The following TMEFF1 variants were observed in gnomAD, a reference collection of about 807,000 sequenced individuals.
TMEFF1 encodes tomoregulin-1.
TMEFF1 carries 20 observed loss-of-function variants against 47.5 expected under a neutral mutation model. That is an observed-to-expected ratio of 0.42 (90% CI 0.30 to 0.61). The LOEUF is 0.61. Ranked by LOEUF, TMEFF1 falls within the 20% of genes least tolerant of loss-of-function variation. The pLI, the probability that TMEFF1 is intolerant of heterozygous loss-of-function variation, is 0.19. For synonymous variants in TMEFF1, 162 were observed against 166.3 expected (o/e 0.97, Z 0.20); for missense variants, 411 against 471.1 (o/e 0.87, Z 1.18).
intron 3 of TMEFF1, among the ~76,000 whole-genome samples, chr9:100,510,677 G>A (rs944654326): frequency 1.3e-5 from 2 of 151,966 alleles, no homozygotes; most frequent in Admixed American, 6.6e-5. Flanking sequence ...GTTTTGCCAT[G>A]TTGCCCAGGC....
intron 4 of TMEFF1, 93 bp downstream of exon 4, chr9:100,513,426 T>A: frequency 6.9e-6 from 9 of 1,306,770 alleles, no homozygotes; most frequent in Non-Finnish European, 8.3e-6. Context: ...AGCTTTGAGA[T>A]ATAATTCACA....
chr9:100,508,958 T>G (rs1837912495), intron 2 of TMEFF1, 47 bp from the exon 3 acceptor site: 1 of 1,504,356 alleles, frequency 6.6e-7, no homozygotes, highest in Non-Finnish European at 8.9e-7. Flanking sequence ...AATAAACTAT[T>G]AATATTCATG....
intron 3 of TMEFF1, among the ~76,000 whole-genome samples, chr9:100,511,722 C>A (rs1389538177): frequency 6.6e-6 from 1 of 152,056 alleles, no homozygotes; most frequent in Non-Finnish European, 1.5e-5. Flanking sequence ...TATACATATA[C>A]CATATTGTAT....
At chr9:100,516,405 C>A (rs1838074553) in intron 4 of TMEFF1, among the ~76,000 whole-genome samples, 1 of 152,116 alleles carries the variant, frequency 6.6e-6, no homozygotes, top group Non-Finnish European at 1.5e-5. Flanking sequence ...CTTAAAAAAG[C>A]AATTCATTAT....
rs1335921525 is a variant in TMEFF1 at position 100,550,076 on chromosome 9, A to G, written c.710-19A>G. On this transcript the variant is annotated intron_variant, in intron 6 of 9. Coordinates refer to ENST00000374879, the MANE Select transcript of TMEFF1 (RefSeq NM_003692.5). Reference sequence around the variant, plus strand: ...AACCATTGTATATATTTTAATTTGAAAACCGTCTTCTCTTACAGATACAGA... The same window carrying G: ...AACCATTGTATATATTTTAATTTGAGAACCGTCTTCTCTTACAGATACAGA... 2 of 1,600,304 alleles carry G rather than the reference A, an allele frequency of 1.2e-6. No individual in the cohort carries two copies. The highest frequency in any genetic ancestry group is 2.2e-5 in the East Asian group (1 of 44,494).
At chr9:100,508,011 T>A (rs1439221780) in intron 2 of TMEFF1, among the ~76,000 whole-genome samples, 4 of 152,196 alleles carry the variant, frequency 2.6e-5, no homozygotes, top group Non-Finnish European at 5.9e-5. Flanking sequence ...GATGTCCACC[T>A]AATTGAATTT....
chr9:100,494,206 C>CAAA (rs543991655), intron 1 of TMEFF1, among the ~76,000 whole-genome samples: 13 of 54,216 alleles, frequency 2.4e-4, no homozygotes, highest in East Asian at 4.4e-4. Context: ...GACCTTGTCT[C>CAAA]AAAAAAAAAA....
At position 100,542,923 on chromosome 9, in the gene TMEFF1, CTTT is replaced by C. The variant is rs34994276; in HGVS notation, c.561-4801_561-4799del. On this transcript the variant is annotated intron_variant, in intron 5 of 9. Coordinates refer to ENST00000374879, the MANE Select transcript of TMEFF1 (RefSeq NM_003692.5). Reference sequence around the variant, plus strand: ...CTGACTCTTCCATCTCTCTCTCTCTCTTTTTTTTTTTTTTTTTTTTTTGAGACA... The same window carrying C: ...CTGACTCTTCCATCTCTCTCTCTCTCTTTTTTTTTTTTTTTTTTTGAGACA... Among the ~76,000 whole-genome samples the C allele has an allele frequency of 2.3e-3, 242 of 104,592 alleles. 1 individual carries two copies. Among genetic ancestry groups the C allele is most frequent in the Middle Eastern group, 5.9e-3 (1 of 170 alleles). The allele number at this position is 104,592 out of a possible 152,430, so 68.6% of individuals were successfully genotyped here.
chr9:100,516,457 A>G (rs1838076151), intron 4 of TMEFF1, among the ~76,000 whole-genome samples: 2 of 152,132 alleles, frequency 1.3e-5, no homozygotes, highest in Non-Finnish European at 2.9e-5. Flanking sequence ...TTAAGGGATC[A>G]TTTTTCAGCA....
rs188603264 is a variant in TMEFF1 at position 100,484,523 on chromosome 9, T to G, written c.196+10783T>G. On this transcript the variant is annotated intron_variant, in intron 1 of 9. Coordinates refer to ENST00000374879, the MANE Select transcript of TMEFF1 (RefSeq NM_003692.5). Reference sequence around the variant, plus strand: ...TAGTAGAGGCGGGGTTTTACTGTGTTGTCCAGGCTGGTCTTGAACTCCTGA... The same window carrying G: ...TAGTAGAGGCGGGGTTTTACTGTGTGGTCCAGGCTGGTCTTGAACTCCTGA... Among the ~76,000 whole-genome samples the G allele has an allele frequency of 2.5e-4, 38 of 152,068 alleles. No homozygotes were observed. The East Asian group carries it at 3.3e-3, about 13-fold the overall frequency.
chr9:100,532,211 C>A (rs1313049115), intron 5 of TMEFF1, among the ~76,000 whole-genome samples: 1 of 151,774 alleles, frequency 6.6e-6, no homozygotes, highest in Non-Finnish European at 1.5e-5. Context: ...ACACCAAAAG[C>A]AATGGCAACA....
At chr9:100,526,838 G>A (rs1014647704) in intron 5 of TMEFF1, among the ~76,000 whole-genome samples, 4 of 151,276 alleles carry the variant, frequency 2.6e-5, no homozygotes, top group African/African-American at 4.9e-5. Context: ...ACTTTTGGCC[G>A]GGCATGGTGC....
intron 5 of TMEFF1, among the ~76,000 whole-genome samples, chr9:100,532,512 G>T (rs1453321293): frequency 1.2e-4 from 19 of 152,234 alleles, no homozygotes; most frequent in Admixed American, 3.9e-4. Context: ...GGCCATCAGA[G>T]AAATGCAAAT....
At chr9:100,478,388 T>C (rs1837273975) in intron 1 of TMEFF1, among the ~76,000 whole-genome samples, 1 of 152,352 alleles carries the variant, frequency 6.6e-6, no homozygotes, top group South Asian at 2.1e-4. Flanking sequence ...TGACGCAATC[T>C]CAGCTTACTG....
chr9:100,477,796 G>A (rs557149541), intron 1 of TMEFF1, among the ~76,000 whole-genome samples: 1 of 151,566 alleles, frequency 6.6e-6, no homozygotes, highest in Non-Finnish European at 1.5e-5. Flanking sequence ...CCGGCTAATT[G>A]TTTGTATTTT....
chr9:100,502,392 C>G (rs1414449625), intron 2 of TMEFF1, among the ~76,000 whole-genome samples: 3 of 152,096 alleles, frequency 2.0e-5, no homozygotes, highest in Admixed American at 6.5e-5. Context: ...CGGGGTCTCA[C>G]TCTGTTGCCT....
At chr9:100,545,318 A>G (rs973521509) in intron 5 of TMEFF1, among the ~76,000 whole-genome samples, 7 of 152,134 alleles carry the variant, frequency 4.6e-5, no homozygotes, top group Admixed American at 3.9e-4. Flanking sequence ...CCCAAACCCC[A>G]TTTCTTGACT....
At chr9:100,503,154 A>T (rs1837798977) in intron 2 of TMEFF1, among the ~76,000 whole-genome samples, 1 of 152,150 alleles carries the variant, frequency 6.6e-6, no homozygotes, top group African/African-American at 2.4e-5. Context: ...CTTGCTTATG[A>T]TTCAGCATGC....
At position 100,473,608 on chromosome 9, in the gene TMEFF1, T is replaced by A; in HGVS notation, c.64T>A (p.Cys22Ser). Reference sequence around the variant, plus strand: ...TGCCGCGCCTCCGCTCGCCTTCTGCTGCTACACGTCGGTGCTTCTGCTCTT... The same window carrying A: ...TGCCGCGCCTCCGCTCGCCTTCTGCAGCTACACGTCGGTGCTTCTGCTCTT... ...LPAAPPLAFC[C>S]YTSVLLLFAF... Residue 22 changes from cysteine (C) to serine (S), a missense_variant, in exon 1 of 10, where the codon TGC (cysteine) becomes AGC (serine). Physicochemically the swap from Cys to Ser is moderately radical, Grantham distance 112. Transcript: ENST00000374879. The surrounding 1 kb of genome is among the most constrained non-coding windows in gnomAD (Gnocchi z 5.4). 6.4e-7 allele frequency: 1 copy of A among 1,558,238 alleles called. No homozygotes were observed.
Sources: gnomAD v4.1 joint callset for allele counts (sites outside exome capture counted in the v4.1 genomes callset) on GRCh38, gnomAD v4.1.1 for gene constraint, Gnocchi (gnomAD v3.1) non-coding constraint, MANE v1.5 for transcripts, NCBI Gene and HGNC (gene_info 2026-07-23, HGNC 2026-07-21) for gene names.